CALN1: variants seen among roughly 807,000 people sequenced by gnomAD.
CALN1 encodes calneuron 1.
Under a neutral mutation model 30.6 loss-of-function variants are expected in CALN1, and 17 were observed. That is an observed-to-expected ratio of 0.56 (90% CI 0.38 to 0.83). CALN1 has a LOEUF of 0.83. Among genes scored for constraint, CALN1 ranks in the 40% least tolerant of loss-of-function variants. The pLI, the probability that CALN1 is intolerant of heterozygous loss-of-function variation, is 0.00. For synonymous variants in CALN1, 156 were observed against 131.4 expected, an observed-to-expected ratio of 1.19 and a Z score of -1.28; for missense variants, 291 against 354.9, an observed-to-expected ratio of 0.82 and a Z score of 1.45.
intron 2 of CALN1, among the ~76,000 whole-genome samples, chr7:72,374,286 T>C (rs565137344): frequency 3.5e-4 from 54 of 152,316 alleles, no homozygotes; most frequent in Non-Finnish European, 6.0e-4. Flanking sequence ...CCCAGCACTT[T>C]GGGAGGCCGA....
intron 5 of CALN1, among the ~76,000 whole-genome samples, chr7:71,934,866 A>G (rs971372514): frequency 6.6e-6 from 1 of 152,226 alleles, no homozygotes; most frequent in Admixed American, 6.5e-5. Flanking sequence ...ATGGTGGCAG[A>G]GAAGAGAGAG....
At chr7:72,412,464 A>G (rs1030307299), upstream of CALN1, 1 of 151,912 alleles carries the variant, frequency 6.6e-6, no homozygotes, top group African/African-American at 2.4e-5. Context: ...CATTTTACAG[A>G]GTGCTGATTG....
chr7:72,120,398 G>A (rs898322051), intron 3 of CALN1, among the ~76,000 whole-genome samples: 1 of 151,980 alleles, frequency 6.6e-6, no homozygotes, highest in Non-Finnish European at 1.5e-5. Context: ...TTTGATGGTT[G>A]ATCAGTATTC....
At chr7:72,240,286 C>T (rs978395895) in intron 3 of CALN1, among the ~76,000 whole-genome samples, 6 of 151,764 alleles carry the variant, frequency 4.0e-5, no homozygotes, top group African/African-American at 1.2e-4. Flanking sequence ...CCTTGAATTC[C>T]TGGGCTCAAG....
chr7:72,094,153 A>G (rs2129540058), intron 4 of CALN1, among the ~76,000 whole-genome samples: 1 of 152,366 alleles, frequency 6.6e-6, no homozygotes, highest in Non-Finnish European at 1.5e-5. Context: ...TGAACAGAGA[A>G]TTGCAATCAG....
At chr7:72,454,557 C>T in the CALN1 span, among the ~76,000 whole-genome samples, 3 of 152,210 alleles carry the variant, frequency 2.0e-5, no homozygotes, top group African/African-American at 7.2e-5. Flanking sequence ...TTCACAAGTT[C>T]TCCTCCTTAT....
chr7:71,847,757 A>AAAGAAG (rs1229093604), intron 5 of CALN1, among the ~76,000 whole-genome samples: 1 of 125,212 alleles, frequency 8.0e-6, no homozygotes, highest in African/African-American at 2.7e-5. Context: ...AAGAAAGAAG[A>AAAGAAG]AAGAAGAAGA....
intron 5 of CALN1, among the ~76,000 whole-genome samples, chr7:71,861,997 A>G (rs1352282076): frequency 1.3e-5 from 2 of 152,162 alleles, no homozygotes; most frequent in East Asian, 1.9e-4. Flanking sequence ...TTAAGGTGCT[A>G]GCTTGTGAGC....
At chr7:71,841,455 G>T (rs1334626774) in intron 5 of CALN1, among the ~76,000 whole-genome samples, 1 of 152,100 alleles carries the variant, frequency 6.6e-6, no homozygotes, top group African/African-American at 2.4e-5. Flanking sequence ...ATTTCCCAGA[G>T]AATTCAAAAC....
intron 3 of CALN1, among the ~76,000 whole-genome samples, chr7:72,249,661 G>A (rs1300478775): frequency 2.6e-5 from 4 of 152,190 alleles, no homozygotes; most frequent in Non-Finnish European, 5.9e-5. Flanking sequence ...AATTAGCTGG[G>A]TGTGGTGGCA....
At chr7:72,393,008 A>T (rs1400590234) in intron 2 of CALN1, among the ~76,000 whole-genome samples, 5 of 152,082 alleles carry the variant, frequency 3.3e-5, no homozygotes, top group Admixed American at 2.0e-4. Flanking sequence ...TTAAAAAAAA[A>T]ATTAATACAA....
At chr7:71,967,932 G>A (rs1797609903) in intron 5 of CALN1, among the ~76,000 whole-genome samples, 1 of 152,208 alleles carries the variant, frequency 6.6e-6, no homozygotes, top group Non-Finnish European at 1.5e-5. Flanking sequence ...TATATTGCTG[G>A]TAGGAATTAA....
chr7:72,286,665 CCT>C (rs775238659), intron 2 of CALN1, among the ~76,000 whole-genome samples: 1 of 152,190 alleles, frequency 6.6e-6, no homozygotes, highest in Non-Finnish European at 1.5e-5. Flanking sequence ...GTTTTGTTCC[CCT>C]GTTAAAATCC....
At chr7:71,805,881 T>C (rs1485090200) in intron 6 of CALN1, among the ~76,000 whole-genome samples, 3 of 152,110 alleles carry the variant, frequency 2.0e-5, no homozygotes, top group Non-Finnish European at 4.4e-5. Flanking sequence ...AGTGTGTACA[T>C]ATACACAATG....
intron 2 of CALN1, among the ~76,000 whole-genome samples, chr7:72,330,000 C>A (rs1012822413): frequency 1.3e-5 from 2 of 148,824 alleles, no homozygotes; most frequent in African/African-American, 4.9e-5. Context: ...AATAAAAATA[C>A]AAAAATTAGG....
chr7:72,433,680 G>C (rs1023985034), intron 1 of CALN1, among the ~76,000 whole-genome samples: 8 of 152,230 alleles, frequency 5.3e-5, no homozygotes, highest in Middle Eastern at 3.4e-3. Context: ...ATCTAGCTGG[G>C]TCTCAGGGTA....
intron 3 of CALN1, among the ~76,000 whole-genome samples, chr7:72,271,581 T>C (rs372366907): frequency 1.4e-5 from 1 of 71,378 alleles, no homozygotes; most frequent in Non-Finnish European, 2.4e-5. Context: ...AAAAAATATA[T>C]ATATATATAT....
chr7:72,115,541 C>G (rs942984838), intron 3 of CALN1, among the ~76,000 whole-genome samples: 1 of 128,982 alleles, frequency 7.8e-6, no homozygotes, highest in South Asian at 2.4e-4. Context: ...CAGGCTGGAG[C>G]ACAGTGGTGC....
chr7:72,262,009 C>A (rs1796301797), intron 3 of CALN1, among the ~76,000 whole-genome samples: 1 of 152,210 alleles, frequency 6.6e-6, no homozygotes, highest in Non-Finnish European at 1.5e-5. Flanking sequence ...TTTCAGAAAG[C>A]TTCGCTCTTC....
Sources: gnomAD v4.1 joint callset for allele counts (sites outside exome capture counted in the v4.1 genomes callset) on GRCh38, gnomAD v4.1.1 for gene constraint, MANE v1.5 for transcripts, NCBI Gene and HGNC (gene_info 2026-07-23, HGNC 2026-07-21) for gene names.